The following ADAMTSL1 variants were observed in gnomAD, a reference collection of about 807,000 sequenced individuals.
The protein encoded by ADAMTSL1 is ADAMTS-like protein 1.
A neutral mutation model predicts 201.8 loss-of-function variants in ADAMTSL1; 126 were observed. The ratio of observed to expected loss-of-function variants is 0.62; its 90% CI spans 0.54 to 0.72. The LOEUF is 0.72. ADAMTSL1 is among the 30% of genes least tolerant of loss of function. The pLI is 0.00. For synonymous variants in ADAMTSL1, 1,121 were observed against 903.4 expected (o/e 1.24, Z -4.32); for missense variants, 2,679 against 2,277.8 (o/e 1.18, Z -3.59).
At chr9:18,863,947 C>T (rs1369160300) in intron 23 of ADAMTSL1, among the ~76,000 whole-genome samples, 1 of 152,196 alleles carries the variant, frequency 6.6e-6, no homozygotes, top group African/African-American at 2.4e-5. Flanking sequence ...CATCCCGACA[C>T]ACATCATTTT....
At chr9:18,085,528 CAT>C (rs917969817) in intron 1 of ADAMTSL1, among the ~76,000 whole-genome samples, 11 of 88,194 alleles carry the variant, frequency 1.2e-4, no homozygotes, top group South Asian at 3.6e-4. Context: ...ATACTGTATG[CAT>C]ATATATATAC....
chr9:18,313,427 G>C (rs1587532363), intron 2 of ADAMTSL1, among the ~76,000 whole-genome samples: 1 of 152,180 alleles, frequency 6.6e-6, no homozygotes, highest in South Asian at 2.1e-4. Context: ...TAAAGAAGTG[G>C]TTCTTAACTT....
At chr9:18,811,346 G>A (rs780082989) in intron 20 of ADAMTSL1, among the ~76,000 whole-genome samples, 6 of 152,180 alleles carry the variant, frequency 3.9e-5, no homozygotes, top group African/African-American at 9.6e-5. Flanking sequence ...TCACCCTGCC[G>A]TGCCCACCTT....
chr9:18,092,732 G>A (rs1400925075), intron 1 of ADAMTSL1, among the ~76,000 whole-genome samples: 1 of 152,158 alleles, frequency 6.6e-6, no homozygotes, highest in African/African-American at 2.4e-5. Context: ...CAACATAATA[G>A]AAAGTTGCCA....
At chr9:18,702,012 T>C (rs958826077) in intron 13 of ADAMTSL1, among the ~76,000 whole-genome samples, 2 of 152,162 alleles carry the variant, frequency 1.3e-5, no homozygotes, top group African/African-American at 4.8e-5. Context: ...CTCACAATCA[T>C]GGTGGAAGGC....
intron 1 of ADAMTSL1, among the ~76,000 whole-genome samples, chr9:18,107,703 G>GTCCA (rs1824820030): frequency 6.6e-6 from 1 of 152,148 alleles, no homozygotes; most frequent in African/African-American, 2.4e-5. Flanking sequence ...GATTCTTGAA[G>GTCCA]TCCAGACTGT....
chr9:18,875,228 T>C (rs1281915686), intron 23 of ADAMTSL1, among the ~76,000 whole-genome samples: 1 of 152,152 alleles, frequency 6.6e-6, no homozygotes, highest in Non-Finnish European at 1.5e-5. Context: ...GTTTCATTTA[T>C]CTATTTTTTG....
chr9:18,688,689 A>AAAAAAAAAATAT (rs1554730404), intron 13 of ADAMTSL1, among the ~76,000 whole-genome samples: 3 of 8,648 alleles, frequency 3.5e-4, no homozygotes, highest in Non-Finnish European at 6.6e-4. Context: ...AAAAAAAAAA[A>AAAAAAAAAATAT]ATATATATAT....
At chr9:18,880,814 C>A (rs1250163014) in intron 23 of ADAMTSL1, among the ~76,000 whole-genome samples, 1 of 152,192 alleles carries the variant, frequency 6.6e-6, no homozygotes, top group Non-Finnish European at 1.5e-5. Context: ...AGTTATCAAG[C>A]TCCTAGATAG....
chr9:18,216,737 C>G (rs1220969811), intron 2 of ADAMTSL1, among the ~76,000 whole-genome samples: 1 of 148,862 alleles, frequency 6.7e-6, no homozygotes, highest in Non-Finnish European at 1.5e-5. Flanking sequence ...CTCCTCCCTT[C>G]TACCCTGTCC....
At chr9:18,199,949 A>G (rs1038207715) in intron 2 of ADAMTSL1, among the ~76,000 whole-genome samples, 12 of 152,084 alleles carry the variant, frequency 7.9e-5, no homozygotes, top group African/African-American at 2.7e-4. Flanking sequence ...ATATAAATAT[A>G]TGAATATTGT....
At position 18,704,116 on chromosome 9, in the gene ADAMTSL1, A is replaced by G. The variant is rs1478846544; in HGVS notation, c.1575-2631A>G. Among the ~76,000 whole-genome samples, 3 of 152,188 alleles carry G rather than the reference A, an allele frequency of 2.0e-5. No homozygotes were observed. In the East Asian group the frequency reaches 5.8e-4, roughly 29 times the overall value. On this transcript the variant is annotated intron_variant, in intron 13 of 28. Transcript: ENST00000380548. ...TCTATAGCAGGGGTTGGAAAACTAC[A>G]GTCCACAGGCCAAATCCAGACCCTT...
intron 14 of ADAMTSL1, among the ~76,000 whole-genome samples, chr9:18,713,209 A>C (rs1467207033): frequency 1.3e-5 from 2 of 152,006 alleles, no homozygotes; most frequent in Admixed American, 6.6e-5. Flanking sequence ...CAAAATAACC[A>C]GCTAACATCA....
At chr9:18,452,497 C>CTCAAAAG (rs1287969420) in intron 2 of ADAMTSL1, among the ~76,000 whole-genome samples, 1 of 152,186 alleles carries the variant, frequency 6.6e-6, no homozygotes, top group African/African-American at 2.4e-5. Flanking sequence ...CCAGAACCAA[C>CTCAAAAG]TCAAAAGTCC....
chr9:18,523,128 C>G (rs1325630307), intron 2 of ADAMTSL1, among the ~76,000 whole-genome samples: 1 of 152,092 alleles, frequency 6.6e-6, no homozygotes, highest in Non-Finnish European at 1.5e-5. Flanking sequence ...TTAATGATCC[C>G]CATTCTAACT....
At chr9:18,346,140 CA>C (rs1835703528) in intron 2 of ADAMTSL1, among the ~76,000 whole-genome samples, 1 of 152,148 alleles carries the variant, frequency 6.6e-6, no homozygotes, top group Non-Finnish European at 1.5e-5. Context: ...TTAAATTTAA[CA>C]AACACATTGA....
At chr9:18,543,393 C>T (rs1820278727) in intron 3 of ADAMTSL1, among the ~76,000 whole-genome samples, 2 of 151,932 alleles carry the variant, frequency 1.3e-5, no homozygotes, top group East Asian at 1.9e-4. Context: ...AACAATGTTT[C>T]TGAAAAGAGA....
chr9:18,235,214 C>T (rs538495484), intron 2 of ADAMTSL1, among the ~76,000 whole-genome samples: 1 of 152,136 alleles, frequency 6.6e-6, no homozygotes, highest in African/African-American at 2.4e-5. Flanking sequence ...ATGACCTTAA[C>T]GATTTGGGAA....
In ADAMTSL1 at chr9:17,934,373, A is replaced by T. The variant is rs115309825; in HGVS notation, c.87+27451A>T. Among the ~76,000 whole-genome samples, 981 of 152,118 alleles carry T rather than the reference A, an allele frequency of 6.4e-3. 11 individuals carry two copies. Among genetic ancestry groups the T allele is most frequent in the African/African-American group, 0.022 (928 of 41,486 alleles). Reference sequence around the variant, plus strand: ...GCCATATTACTTCCACCTTTTTATGACCTTACTTCCCTCCTTGGCTAGCTA... The same window carrying T: ...GCCATATTACTTCCACCTTTTTATGTCCTTACTTCCCTCCTTGGCTAGCTA... On this transcript the variant is annotated intron_variant, in intron 1 of 29. Coordinates refer to the ADAMTSL1 transcript ENST00000680146.
Sources: gnomAD v4.1 joint callset for allele counts (sites outside exome capture counted in the v4.1 genomes callset) on GRCh38, gnomAD v4.1.1 for gene constraint, MANE v1.5 for transcripts, NCBI Gene and HGNC (gene_info 2026-07-23, HGNC 2026-07-21) for gene names.